ZNF704: variants seen among roughly 807,000 people sequenced by gnomAD.
ZNF704 encodes glucocorticoid induced gene 1.
A neutral mutation model predicts 44.7 loss-of-function variants in ZNF704; 10 were observed. The observed-to-expected ratio is 0.22, with a 90% confidence interval of 0.14 to 0.38. The LOEUF (loss-of-function observed/expected upper bound fraction) is 0.38, where lower values mean the gene tolerates loss of function less well. ZNF704 is among the 10% of genes least tolerant of loss of function. The pLI, the probability that ZNF704 is intolerant of heterozygous loss-of-function variation, is 1.00. For missense variants in ZNF704, 390 were observed against 545.5 expected, an observed-to-expected ratio of 0.71 and a Z score of 2.84; for synonymous variants, 211 against 207.6, an observed-to-expected ratio of 1.02 and a Z score of -0.14.
At position 80,739,964 on chromosome 8, in the gene ZNF704, T is replaced by G. The variant is rs371761288; in HGVS notation, c.222-46857A>C. Among the ~76,000 whole-genome samples the G allele has an allele frequency of 8.5e-5, 13 of 152,234 alleles. 1 individual carries two copies. Among genetic ancestry groups the G allele is most frequent in the African/African-American group, 3.1e-4 (13 of 41,548 alleles). On this transcript the variant is annotated intron_variant, in intron 2 of 8. Coordinates refer to ENST00000327835, the MANE Select transcript of ZNF704 (RefSeq NM_001033723.3). ...GGTGCCCGGGCCAAGTGCCAGCCCA[T>G]GCCATCACCCTCACAGAACCCCGGG...
chr8:80,652,163 A>G (rs1042970695), intron 7 of ZNF704, among the ~76,000 whole-genome samples: 1 of 152,214 alleles, frequency 6.6e-6, no homozygotes, highest in African/African-American at 2.4e-5. Context: ...GTCACATTCA[A>G]AGCAGTGTGT....
chr8:80,651,180 A>C (rs1178545477), intron 7 of ZNF704, among the ~76,000 whole-genome samples: 1 of 152,230 alleles, frequency 6.6e-6, no homozygotes, highest in Non-Finnish European at 1.5e-5. Flanking sequence ...TAAACATGGA[A>C]AGGAACAACT....
At chr8:80,736,969 C>G (rs1806678244) in intron 2 of ZNF704, among the ~76,000 whole-genome samples, 1 of 151,710 alleles carries the variant, frequency 6.6e-6, no homozygotes, top group East Asian at 1.9e-4. Flanking sequence ...AAGTGATTCT[C>G]ATATCCAGCC....
chr8:80,658,586 T>C (rs898051146), intron 7 of ZNF704: 1 of 152,220 alleles, frequency 6.6e-6, no homozygotes, highest in Non-Finnish European at 1.5e-5. Flanking sequence ...TTCAGACCCA[T>C]GGTGTTGTTT....
chr8:80,794,296 GCTT>G (rs1207739784), intron 2 of ZNF704, among the ~76,000 whole-genome samples: 1 of 152,116 alleles, frequency 6.6e-6, no homozygotes, highest in Non-Finnish European at 1.5e-5. Flanking sequence ...AGAAACTCGA[GCTT>G]CTTCAATTTT....
At chr8:80,666,388 A>C (rs1818195162) in intron 5 of ZNF704, among the ~76,000 whole-genome samples, 2 of 151,906 alleles carry the variant, frequency 1.3e-5, no homozygotes, top group Non-Finnish European at 2.9e-5. Context: ...GGTTTATTCC[A>C]AGTCTTTGCT....
At chr8:80,691,102 C>T (rs2131635414) in intron 3 of ZNF704, among the ~76,000 whole-genome samples, 1 of 152,042 alleles carries the variant, frequency 6.6e-6, no homozygotes, top group East Asian at 1.9e-4. Flanking sequence ...AATTTGAATT[C>T]CTAGCATCTT....
rs566301764 is a variant in ZNF704, at chr8:80,645,113, T to C, written c.1033-1984A>G. The stretch of plus-strand genomic sequence containing the variant: ...CTATGTCCTTGGGCAGCATGACATG[T>C]CGATACTCAAACTCCTCGTCGTCGT... On this transcript the variant is annotated intron_variant, in intron 7 of 8. Coordinates refer to ENST00000327835, the MANE Select transcript of ZNF704 (RefSeq NM_001033723.3). The C allele has an allele frequency of 9.4e-6, 15 of 1,601,542 alleles. No homozygotes were observed. The East Asian group carries it at 2.9e-4, about 31-fold the overall frequency.
At chr8:80,858,988 T>C (rs1809013508) in intron 1 of ZNF704, among the ~76,000 whole-genome samples, 2 of 152,236 alleles carry the variant, frequency 1.3e-5, no homozygotes, top group Admixed American at 1.3e-4. Context: ...GGTGGTGTTA[T>C]TCAAATATTC....
intron 4 of ZNF704, among the ~76,000 whole-genome samples, chr8:80,673,988 T>C (rs1487138204): frequency 6.6e-6 from 1 of 152,224 alleles, no homozygotes; most frequent in Non-Finnish European, 1.5e-5. Flanking sequence ...CCCAGCTCCA[T>C]GATGTTCTAC....
At chr8:80,816,572 ATC>A in intron 2 of ZNF704, among the ~76,000 whole-genome samples, 1 of 152,184 alleles carries the variant, frequency 6.6e-6, no homozygotes, top group Non-Finnish European at 1.5e-5. Context: ...TAGTATTTTC[ATC>A]TCTCTCAGAG....
At chr8:80,801,516 C>CA (rs1165539780) in intron 2 of ZNF704, among the ~76,000 whole-genome samples, 3 of 152,142 alleles carry the variant, frequency 2.0e-5, no homozygotes, top group Non-Finnish European at 4.4e-5. Context: ...GAAACTCACT[C>CA]AAAATCACAC....
intron 2 of ZNF704, among the ~76,000 whole-genome samples, chr8:80,709,414 AC>A (rs1170029256): frequency 7.8e-6 from 1 of 127,488 alleles, no homozygotes. Context: ...ACTGCACTCC[AC>A]CTTGGCAACA....
intron 2 of ZNF704, among the ~76,000 whole-genome samples, chr8:80,781,074 C>G (rs1807514440): frequency 6.6e-6 from 1 of 152,140 alleles, no homozygotes; most frequent in South Asian, 2.1e-4. Flanking sequence ...GAATCTTTTC[C>G]TTTCCCATAT....
intron 2 of ZNF704, among the ~76,000 whole-genome samples, chr8:80,786,186 C>T (rs1334680444): frequency 6.6e-6 from 1 of 152,128 alleles, no homozygotes; most frequent in African/African-American, 2.4e-5. Flanking sequence ...TCACTTATGC[C>T]TGGGAGGCCG....
At chr8:80,770,144 C>A (rs559905506) in intron 2 of ZNF704, among the ~76,000 whole-genome samples, 4 of 152,300 alleles carry the variant, frequency 2.6e-5, no homozygotes, top group African/African-American at 9.6e-5. Flanking sequence ...GTCCCTCCCA[C>A]AACACGTGGG....
chr8:80,728,468 A>G (rs1179489333), intron 2 of ZNF704, among the ~76,000 whole-genome samples: 1 of 152,236 alleles, frequency 6.6e-6, no homozygotes, highest in Non-Finnish European at 1.5e-5. Flanking sequence ...TCACTGCATT[A>G]GACATGCAAT....
chr8:80,855,404 T>A (rs1808942571), intron 1 of ZNF704, among the ~76,000 whole-genome samples: 1 of 144,956 alleles, frequency 6.9e-6, no homozygotes, highest in Non-Finnish European at 1.5e-5. Flanking sequence ...AATGACTGGA[T>A]AAAGAAAATG....
chr8:80,733,028 A>G (rs1390527826), intron 2 of ZNF704, among the ~76,000 whole-genome samples: 3 of 151,514 alleles, frequency 2.0e-5, no homozygotes, highest in Admixed American at 6.6e-5. Context: ...CTTTCCTATG[A>G]GAAAGATTAA....
Sources: gnomAD v4.1 joint callset for allele counts (sites outside exome capture counted in the v4.1 genomes callset) on GRCh38, gnomAD v4.1.1 for gene constraint, MANE v1.5 for transcripts, NCBI Gene and HGNC (gene_info 2026-07-23, HGNC 2026-07-21) for gene names.